DDR2: variants seen among roughly 807,000 people sequenced by gnomAD.
DDR2 encodes discoidin domain receptor tyrosine kinase 2.
A neutral mutation model predicts 94.9 loss-of-function variants in DDR2; 27 were observed. The ratio of observed to expected loss-of-function variants is 0.28; its 90% CI spans 0.21 to 0.39. The LOEUF is 0.39. Ranked by LOEUF, DDR2 falls within the 10% of genes least tolerant of loss-of-function variation. DDR2 has a pLI of 1.00. For synonymous variants in DDR2, 382 were observed against 377.2 expected, an observed-to-expected ratio of 1.01 and a Z score of -0.15; for missense variants, 783 against 1,076.0, an observed-to-expected ratio of 0.73 and a Z score of 3.81.
At chr1:162,757,710 G>A (rs560616260) in intron 7 of DDR2, among the ~76,000 whole-genome samples, 24 of 152,266 alleles carry the variant, frequency 1.6e-4, no homozygotes, top group African/African-American at 5.8e-4. Context: ...CAAGCAGCAT[G>A]CAAAGGTTAG....
intron 1 of DDR2, among the ~76,000 whole-genome samples, chr1:162,643,964 C>T (rs999727239): frequency 2.6e-5 from 4 of 152,106 alleles, no homozygotes; most frequent in African/African-American, 9.7e-5. Flanking sequence ...TATTTGTTAC[C>T]CGCAGACTGT....
intron 9 of DDR2, 117 bp from the exon 10 acceptor site, chr1:162,765,884 G>T: frequency 1.1e-6 from 1 of 886,654 alleles, no homozygotes; most frequent in South Asian, 1.3e-5. Flanking sequence ...CTTTTTAAAA[G>T]ACTGATGACA....
chr1:162,742,075 G>T (rs1037748046), intron 3 of DDR2, among the ~76,000 whole-genome samples: 14 of 152,174 alleles, frequency 9.2e-5, no homozygotes, highest in Admixed American at 3.3e-4. Flanking sequence ...AGAATTTGTT[G>T]CTTCATCCCC....
In DDR2 at chr1:162,786,304, A is replaced by G. The variant is rs1648148012; in HGVS notation, c.*6058A>G. 6.6e-6 allele frequency: 1 copy of G among 152,136 alleles called. No individual in the cohort carries two copies. Among genetic ancestry groups the G allele is most frequent in the Non-Finnish European group, 1.5e-5 (1 of 68,046 alleles). The allele number at this position is 152,136 out of a possible 1,614,324, so 9.4% of individuals were successfully genotyped here. On this transcript the variant is annotated 3_prime_UTR_variant, in exon 18 of 18. Coordinates refer to ENST00000367921, the MANE Select transcript of DDR2 (RefSeq NM_006182.4). ...TTCTGAGGACTGAGTTTCTGCAGCG[A>G]TGTGGTGCACTCTTCCTGTGATGAG...
Position 162,755,292 on chromosome 1 carries a change from G to C in DDR2, c.554G>C (p.Cys185Ser), listed in dbSNP as rs780343764. The change falls in exon 6 of 18, where the codon TGT (cysteine) becomes TCT (serine). Residue 185 changes from cysteine (C) to serine (S), a missense_variant. Cys to Ser is a moderately radical substitution (Grantham distance 112). This residue lies in a region of DDR2 where 519 missense variants were observed against 647.9 expected (regional missense o/e 0.80). Transcript: ENST00000367921. ...NVCMRVELYGCVWLDGLVSYN... is the reference protein window; with the variant it reads ...NVCMRVELYGSVWLDGLVSYN... ...TGTATGAGAGTGGAGCTTTACGGCT[G>C]TGTCTGGCTAGGTAGGTCACTAGCC... 6.2e-7 allele frequency: 1 copy of C among 1,613,850 alleles called. No homozygotes were observed. Among genetic ancestry groups the C allele is most frequent in the South Asian group, 1.1e-5 (1 of 91,068 alleles).
At chr1:162,757,283 G>T (rs1663508647) in intron 7 of DDR2, among the ~76,000 whole-genome samples, 1 of 152,174 alleles carries the variant, frequency 6.6e-6, no homozygotes, top group South Asian at 2.1e-4. Context: ...TCTGACTGAA[G>T]GACCAGTAAA....
chr1:162,733,616 C>G (rs560572543), intron 3 of DDR2, among the ~76,000 whole-genome samples: 1 of 152,328 alleles, frequency 6.6e-6, no homozygotes, highest in African/African-American at 2.4e-5. Context: ...GACCTCCATC[C>G]TAACTTTCGT....
At chr1:162,640,632 A>G (rs1286088567) in intron 1 of DDR2, among the ~76,000 whole-genome samples, 3 of 152,220 alleles carry the variant, frequency 2.0e-5, no homozygotes, top group Admixed American at 2.0e-4. Context: ...TAATATAGTT[A>G]TAATCATGAG....
rs1647820416 is a variant in DDR2 at position 162,780,204 on chromosome 1, C to T, written c.2526C>T (p.Phe842=). 6.2e-7 allele frequency: 1 copy of T among 1,613,978 alleles called. No homozygotes were observed. Among genetic ancestry groups the T allele is most frequent in the Non-Finnish European group, 8.5e-7 (1 of 1,179,944 alleles). ...GAGATACGAAGAACCGTCCCTCATT[C>T]CAAGAAATCCACCTTCTGCTCCTTC... ...WRRDTKNRPS[F]QEIHLLLLQQ... is the part of the protein sequence containing the mutation. The change falls in exon 18 of 18, where the codon TTC becomes TTT. Residue 842 remains phenylalanine (F), a synonymous_variant. Transcript: ENST00000367921.
At chr1:162,634,972 G>GT (rs2101878727) in intron 1 of DDR2, among the ~76,000 whole-genome samples, 1 of 152,240 alleles carries the variant, frequency 6.6e-6, no homozygotes, top group South Asian at 2.1e-4. Flanking sequence ...TGCTCCTGGG[G>GT]TGGGGGTGGA....
At chr1:162,710,471 A>G (rs1660850471) in intron 2 of DDR2, among the ~76,000 whole-genome samples, 1 of 152,140 alleles carries the variant, frequency 6.6e-6, no homozygotes, top group Admixed American at 6.5e-5. Flanking sequence ...ATGAGATGAG[A>G]ATGTTTGGGA....
chr1:162,723,440 T>G (rs1661512349), intron 3 of DDR2, among the ~76,000 whole-genome samples: 1 of 152,126 alleles, frequency 6.6e-6, no homozygotes, highest in African/African-American at 2.4e-5. Context: ...GCAGTAGTTG[T>G]TTGAGTGGAC....
At chr1:162,726,215 G>C (rs1295247829) in intron 3 of DDR2, among the ~76,000 whole-genome samples, 2 of 152,188 alleles carry the variant, frequency 1.3e-5, no homozygotes, top group African/African-American at 2.4e-5. Context: ...ATTGTGCTGT[G>C]ATAATGGCAG....
intron 3 of DDR2, among the ~76,000 whole-genome samples, chr1:162,719,647 T>A (rs182035760): frequency 6.6e-6 from 1 of 152,336 alleles, no homozygotes; most frequent in African/African-American, 2.4e-5. Context: ...GAGAATCTTT[T>A]GAGCCCAAAT....
intron 2 of DDR2, among the ~76,000 whole-genome samples, chr1:162,663,558 C>CTGTA (rs1351315853): frequency 1.3e-5 from 2 of 152,120 alleles, no homozygotes; most frequent in East Asian, 3.9e-4. Context: ...CTTGATCTTG[C>CTGTA]TGTAATGTAT....
intron 1 of DDR2, among the ~76,000 whole-genome samples, chr1:162,635,977 A>G (rs1486033723): frequency 6.6e-6 from 1 of 152,242 alleles, no homozygotes. Flanking sequence ...AGAAGCTGAG[A>G]TGTCCAGATA....
rs139042559 is a variant in DDR2 at position 162,707,841 on chromosome 1, G to A, written c.-27-11196G>A. On this transcript the variant is annotated intron_variant, in intron 2 of 17. Coordinates refer to ENST00000367921, the MANE Select transcript of DDR2 (RefSeq NM_006182.4). ...CTATATCCCAGGAATGGTACTGTAAGTTCTTTATATGCATTATTCCATTTA... is the reference window on the plus strand; with the variant it reads ...CTATATCCCAGGAATGGTACTGTAAATTCTTTATATGCATTATTCCATTTA... Among the ~76,000 whole-genome samples, 507 of 152,300 alleles carry A rather than the reference G, an allele frequency of 3.3e-3. 2 individuals are homozygous for A. The highest frequency in any genetic ancestry group is 0.012 in the African/African-American group (484 of 41,556).
At chr1:162,723,205 G>A (rs972673440) in intron 3 of DDR2, among the ~76,000 whole-genome samples, 1 of 152,166 alleles carries the variant, frequency 6.6e-6, no homozygotes, top group African/African-American at 2.4e-5. Flanking sequence ...AAGATATAGC[G>A]TATGCAATGG....
chr1:162,682,581 G>C (rs1659464480), intron 2 of DDR2, among the ~76,000 whole-genome samples: 1 of 152,202 alleles, frequency 6.6e-6, no homozygotes, highest in Non-Finnish European at 1.5e-5. Flanking sequence ...AGAATAATGG[G>C]TGCAAGCAAG....
Sources: gnomAD v4.1 joint callset for allele counts (sites outside exome capture counted in the v4.1 genomes callset) on GRCh38, gnomAD v4.1.1 for gene constraint, gnomAD v4.1.1 regional missense constraint, MANE v1.5 for transcripts, NCBI Gene and HGNC (gene_info 2026-07-23, HGNC 2026-07-21) for gene names.